The following MYO5B variants were observed in gnomAD, a reference collection of about 807,000 sequenced individuals.
MYO5B encodes myosin VB.
A neutral mutation model predicts 229.3 loss-of-function variants in MYO5B; 143 were observed. The observed-to-expected ratio is 0.62, with a 90% CI of 0.54 to 0.72. MYO5B has a LOEUF of 0.72. MYO5B is among the 30% of genes least tolerant of loss of function. MYO5B has a pLI of 0.00. For synonymous variants in MYO5B, 918 were observed against 885.2 expected (o/e 1.04, Z -0.66); for missense variants, 2,321 against 2,331.0 (o/e 1.00, Z 0.09).
chr18:49,918,193 C>A (rs1271833343), intron 17 of MYO5B, among the ~76,000 whole-genome samples: 1 of 152,214 alleles, frequency 6.6e-6, no homozygotes, highest in East Asian at 1.9e-4. Flanking sequence ...AAATATTCTG[C>A]AGAACAACAT....
chr18:49,974,792 C>CAG (rs1426240375), intron 9 of MYO5B, among the ~76,000 whole-genome samples, 177 bp from the exon 10 acceptor site: 7 of 145,632 alleles, frequency 4.8e-5, no homozygotes, highest in African/African-American at 1.6e-4. Flanking sequence ...CACACACACA[C>CAG]ACACAGACAC....
intron 16 of MYO5B, among the ~76,000 whole-genome samples, chr18:49,935,420 C>T (rs147179340): frequency 5.3e-5 from 7 of 133,120 alleles, no homozygotes; most frequent in African/African-American, 1.9e-4. Flanking sequence ...ATTCCCCCTG[C>T]ACAGCAGGTT....
chr18:49,981,969 A>C (rs2025820516), intron 8 of MYO5B, among the ~76,000 whole-genome samples: 1 of 152,172 alleles, frequency 6.6e-6, no homozygotes. Context: ...CTGAGCTTAG[A>C]GTATCTTGCT....
At chr18:50,010,010 C>G (rs6507962) in intron 4 of MYO5B, among the ~76,000 whole-genome samples, 151,932 of 152,282 alleles carry the variant, frequency 1, 75,794 homozygotes, top group Middle Eastern at 1. Flanking sequence ...CCCTACCAGG[C>G]CAGGGCACCA....
chr18:49,932,186 T>C (rs529041648), intron 16 of MYO5B, among the ~76,000 whole-genome samples: 1 of 152,314 alleles, frequency 6.6e-6, no homozygotes, highest in South Asian at 2.1e-4. Context: ...TCTGTTCTGG[T>C]ATCCCCACAT....
intron 4 of MYO5B, among the ~76,000 whole-genome samples, chr18:50,010,577 C>T (rs1231585029): frequency 1.3e-5 from 2 of 152,226 alleles, no homozygotes; most frequent in Non-Finnish European, 2.9e-5. Context: ...CTGTATGATA[C>T]ATTCTATATC....
At chr18:49,900,174 AC>A (rs1346327569) in intron 21 of MYO5B, among the ~76,000 whole-genome samples, 1 of 152,212 alleles carries the variant, frequency 6.6e-6, no homozygotes, top group Non-Finnish European at 1.5e-5. Context: ...TTAACTCACA[AC>A]ATTTGACTAA....
chr18:50,153,565 T>G (rs1299127573), intron 1 of MYO5B, among the ~76,000 whole-genome samples: 1 of 152,212 alleles, frequency 6.6e-6, no homozygotes, highest in Non-Finnish European at 1.5e-5. Context: ...ATTCTCCTGC[T>G]CAGCCTCCAG....
intron 14 of MYO5B, among the ~76,000 whole-genome samples, chr18:49,945,081 C>T (rs1046975125): frequency 6.6e-6 from 1 of 152,204 alleles, no homozygotes; most frequent in Non-Finnish European, 1.5e-5. Context: ...CTAATCTTCT[C>T]CCTGCCCGGC....
chr18:50,030,692 A>T (rs1388760911), intron 4 of MYO5B, among the ~76,000 whole-genome samples: 2 of 151,662 alleles, frequency 1.3e-5, no homozygotes, highest in Non-Finnish European at 2.9e-5. Context: ...ATTCCTCACC[A>T]GCTCCACCCT....
At chr18:50,082,532 C>T (rs1433536478) in intron 1 of MYO5B, among the ~76,000 whole-genome samples, 1 of 152,208 alleles carries the variant, frequency 6.6e-6, no homozygotes, top group Non-Finnish European at 1.5e-5. Context: ...AAAGCAAAGG[C>T]TATCTGCGGA....
At chr18:50,024,075 TGCTGA>T (rs1215714629) in intron 4 of MYO5B, among the ~76,000 whole-genome samples, 9 of 152,188 alleles carry the variant, frequency 5.9e-5, no homozygotes, top group Admixed American at 5.9e-4. Flanking sequence ...TGCTTTAGAT[TGCTGA>T]GCTGGAGTTC....
At chr18:49,912,886 T>C (rs2024973433) in intron 17 of MYO5B, among the ~76,000 whole-genome samples, 2 of 152,250 alleles carry the variant, frequency 1.3e-5, no homozygotes, top group African/African-American at 4.8e-5. Context: ...TATTTTCAAA[T>C]GTTGGTTTTC....
At chr18:49,857,396 G>C (rs888355331) in intron 29 of MYO5B, among the ~76,000 whole-genome samples, 10 of 152,222 alleles carry the variant, frequency 6.6e-5, no homozygotes, top group Admixed American at 1.3e-4. Context: ...CATTGCATCT[G>C]CAGAGCAGCA....
intron 39 of MYO5B, among the ~76,000 whole-genome samples, chr18:49,830,883 C>A (rs2023910933): frequency 6.7e-6 from 1 of 149,472 alleles, no homozygotes; most frequent in Admixed American, 6.7e-5. Flanking sequence ...TCACACTTCC[C>A]ATTTGAAAAC....
chr18:49,906,383 T>G (rs1388092850), intron 19 of MYO5B, 36 bp downstream of exon 19: 10 of 1,599,906 alleles, frequency 6.3e-6, no homozygotes, highest in Non-Finnish European at 8.6e-6. Context: ...TTCCCCACCA[T>G]GATCTGCTGC....
At chr18:50,023,377 C>T (rs1374853471) in intron 4 of MYO5B, among the ~76,000 whole-genome samples, 1 of 152,118 alleles carries the variant, frequency 6.6e-6, no homozygotes, top group African/African-American at 2.4e-5. Context: ...CAAGCTGCGG[C>T]GTGACCACAG....
At chr18:49,935,564 G>A (rs1290347449) in intron 16 of MYO5B, among the ~76,000 whole-genome samples, 1 of 152,218 alleles carries the variant, frequency 6.6e-6, no homozygotes, top group Non-Finnish European at 1.5e-5. Flanking sequence ...GAAGAGTGTG[G>A]TCTCAGATGT....
intron 1 of MYO5B, among the ~76,000 whole-genome samples, chr18:50,129,022 C>T (rs542310522): frequency 2.0e-5 from 3 of 152,136 alleles, no homozygotes; most frequent in South Asian, 2.1e-4. Flanking sequence ...CCAAATCTCA[C>T]GGTAAGTCAC....
Sources: allele counts gnomAD v4.1 joint callset (sites outside exome capture counted in the v4.1 genomes callset), GRCh38; gene constraint gnomAD v4.1.1; transcripts MANE v1.5; gene names NCBI Gene and HGNC (gene_info 2026-07-23, HGNC 2026-07-21).